Variants in KCNB2 observed in about 807,000 individuals in gnomAD.
KCNB2 encodes potassium voltage-gated channel subfamily B member 2, also known as delayed rectifier potassium channel protein.
A neutral mutation model predicts 61.5 loss-of-function variants in KCNB2; 15 were observed. That is an observed-to-expected ratio of 0.24 (90% CI 0.16 to 0.38). The LOEUF is 0.38. KCNB2 is among the 10% of genes least tolerant of loss of function. KCNB2 has a pLI of 1.00. For synonymous variants in KCNB2, 457 were observed against 446.0 expected (o/e 1.02, Z -0.31); for missense variants, 828 against 1,125.2 (o/e 0.74, Z 3.78).
intron 2 of KCNB2, among the ~76,000 whole-genome samples, chr8:72,575,459 TATAGA>T (rs1157119658): frequency 6.6e-6 from 1 of 152,162 alleles, no homozygotes; most frequent in Non-Finnish European, 1.5e-5. Flanking sequence ...TTTTATATTT[TATAGA>T]CATATTTGGC....
intron 2 of KCNB2, among the ~76,000 whole-genome samples, chr8:72,576,240 A>C (rs965444253): frequency 6.6e-6 from 1 of 152,198 alleles, no homozygotes. Flanking sequence ...GCATTCGGTA[A>C]TCTGTAATGC....
At chr8:72,816,093 G>A (rs1182681328) in intron 2 of KCNB2, among the ~76,000 whole-genome samples, 1 of 152,126 alleles carries the variant, frequency 6.6e-6, no homozygotes, top group Admixed American at 6.5e-5. Flanking sequence ...AAAAAAACTT[G>A]AAGTCAGCAA....
chr8:72,638,581 A>T (rs1471921005), intron 2 of KCNB2, among the ~76,000 whole-genome samples: 5 of 152,140 alleles, frequency 3.3e-5, no homozygotes, highest in African/African-American at 4.8e-5. Context: ...CATATTTTTA[A>T]GCTGGCCATA....
At chr8:72,713,428 A>C (rs555344859) in intron 2 of KCNB2, among the ~76,000 whole-genome samples, 121 of 152,238 alleles carry the variant, frequency 7.9e-4, no homozygotes, top group African/African-American at 2.7e-3. Flanking sequence ...GCCAACTGAC[A>C]CCTCACACGG....
chr8:72,902,531 G>A (rs1806107864), intron 2 of KCNB2, among the ~76,000 whole-genome samples: 1 of 152,132 alleles, frequency 6.6e-6, no homozygotes. Flanking sequence ...ATGCTACATG[G>A]ATATTGAACT....
At chr8:72,682,078 G>A (rs1806766523) in intron 2 of KCNB2, among the ~76,000 whole-genome samples, 2 of 152,168 alleles carry the variant, frequency 1.3e-5, no homozygotes, top group Non-Finnish European at 2.9e-5. Context: ...AGACATGTAT[G>A]TTTAGTGTTC....
intron 2 of KCNB2, among the ~76,000 whole-genome samples, chr8:72,721,473 C>G (rs1807547672): frequency 6.6e-6 from 1 of 152,216 alleles, no homozygotes; most frequent in Admixed American, 6.5e-5. Flanking sequence ...TGTTACATCT[C>G]TGCTACCTAA....
At chr8:72,606,059 C>G (rs866642953) in intron 2 of KCNB2, among the ~76,000 whole-genome samples, 3 of 152,128 alleles carry the variant, frequency 2.0e-5, no homozygotes, top group Middle Eastern at 3.2e-3. Flanking sequence ...GGACTCAAAG[C>G]TGGTGAGTAT....
intron 2 of KCNB2, among the ~76,000 whole-genome samples, chr8:72,830,184 A>G (rs2129001785): frequency 6.7e-6 from 1 of 149,358 alleles, no homozygotes; most frequent in East Asian, 2.0e-4. Flanking sequence ...ATGTTGCTGT[A>G]ACAGCAGAAA....
chr8:72,561,750 T>TAC (rs1563523502), intron 1 of KCNB2, among the ~76,000 whole-genome samples: 4 of 40,156 alleles, frequency 1.0e-4, no homozygotes, highest in African/African-American at 3.8e-4. Flanking sequence ...TATATATGTA[T>TAC]ATATATATAT....
intron 2 of KCNB2, among the ~76,000 whole-genome samples, chr8:72,904,352 A>AT (rs1308700987): frequency 2.6e-5 from 4 of 152,034 alleles, no homozygotes; most frequent in East Asian, 1.9e-4. Flanking sequence ...ACATCCTGAA[A>AT]TTTTTTTAAC....
intron 2 of KCNB2, among the ~76,000 whole-genome samples, chr8:72,584,683 A>T (rs1409891659): frequency 2.6e-5 from 4 of 152,174 alleles, no homozygotes; most frequent in African/African-American, 9.6e-5. Flanking sequence ...ATATCTTTGT[A>T]ATTTTGATTT....
intron 2 of KCNB2, among the ~76,000 whole-genome samples, chr8:72,631,565 G>C (rs1805882736): frequency 6.6e-6 from 1 of 152,116 alleles, no homozygotes; most frequent in South Asian, 2.1e-4. Flanking sequence ...TGATTACATT[G>C]GTAAAGACCA....
chr8:72,894,089 A>C (rs1805946373), intron 2 of KCNB2, among the ~76,000 whole-genome samples: 1 of 152,194 alleles, frequency 6.6e-6, no homozygotes, highest in African/African-American at 2.4e-5. Context: ...CCAGGAATTC[A>C]AGTAAGGGAT....
Position 72,549,798 on chromosome 8 carries a change from C to A in KCNB2, c.-94+11913C>A, listed in dbSNP as rs1393048411. On this transcript the variant is annotated intron_variant, in intron 1 of 2. Transcript: ENST00000523207. ...TCTTCCTCTGGGACACATCTCCCTT[C>A]CTTCTCTAATCAATCAGTATTATAG... is the stretch of plus-strand genomic sequence containing the variant. Among the ~76,000 whole-genome samples, 3 of 152,144 alleles carry A rather than the reference C, an allele frequency of 2.0e-5. No individual in the cohort carries two copies. The East Asian group carries it at 5.8e-4, about 29-fold the overall frequency.
intron 2 of KCNB2, among the ~76,000 whole-genome samples, chr8:72,729,798 G>A (rs768073976): frequency 1.3e-4 from 19 of 151,914 alleles, no homozygotes; most frequent in Admixed American, 9.2e-4. Context: ...CAGGAGAATC[G>A]CTTGAACCCG....
chr8:72,713,010 T>G (rs1191356296), intron 2 of KCNB2, among the ~76,000 whole-genome samples: 1 of 152,190 alleles, frequency 6.6e-6, no homozygotes, highest in Admixed American at 6.5e-5. Flanking sequence ...ACCAGGAGAT[T>G]ATATCCCACA....
intron 2 of KCNB2, among the ~76,000 whole-genome samples, chr8:72,694,378 T>A (rs1207122776): frequency 1.3e-5 from 2 of 152,202 alleles, no homozygotes; most frequent in African/African-American, 4.8e-5. Flanking sequence ...CCAGAGTTTA[T>A]ATACCGTGTG....
At chr8:72,708,755 T>C (rs1444656863) in intron 2 of KCNB2, among the ~76,000 whole-genome samples, 1 of 152,242 alleles carries the variant, frequency 6.6e-6, no homozygotes, top group Non-Finnish European at 1.5e-5. Flanking sequence ...TCCTAGTTCC[T>C]ACCTTTGAAA....
Sources: allele counts gnomAD v4.1 joint callset (sites outside exome capture counted in the v4.1 genomes callset), GRCh38; gene constraint gnomAD v4.1.1; transcripts MANE v1.5; gene names NCBI Gene and HGNC (gene_info 2026-07-23, HGNC 2026-07-21).